PCDHA2: variants seen among roughly 807,000 people sequenced by gnomAD.
PCDHA2 encodes the protein protocadherin alpha-2.
PCDHA2 carries 58 observed loss-of-function variants against 66.0 expected under a neutral mutation model. The ratio of observed to expected loss-of-function variants is 0.88; its 90% confidence interval spans 0.71 to 1.09. PCDHA2 has a LOEUF of 1.09. PCDHA2 is among the 50% of genes least tolerant of loss of function. PCDHA2 has a pLI of 0.00. For missense variants in PCDHA2, 1,267 were observed against 1,242.3 expected (o/e 1.02, Z -0.30); for synonymous variants, 634 against 554.0 (o/e 1.14, Z -2.03).
chr5:140,887,004 C>T (rs1341039143), intron 1 of PCDHA2, among the ~76,000 whole-genome samples: 1 of 152,066 alleles, frequency 6.6e-6, no homozygotes, highest in African/African-American at 2.4e-5. Flanking sequence ...GTTGGTATCA[C>T]TTTCCTACTG....
chr5:140,821,522 C>A, intron 1 of PCDHA2: 3 of 409,570 alleles, frequency 7.3e-6, no homozygotes, highest in East Asian at 3.9e-5. Flanking sequence ...TAAAGCAAAA[C>A]AAAATAAAAC....
At chr5:140,849,842 C>A (rs2150452935) in intron 1 of PCDHA2, 1 of 1,598,534 alleles carries the variant, frequency 6.3e-7, no homozygotes, top group Non-Finnish European at 8.6e-7. Context: ...CCGACGTGAA[C>A]GACAACGCAC....
intron 1 of PCDHA2, chr5:140,875,971 CTT>C: frequency 6.2e-7 from 1 of 1,614,030 alleles, no homozygotes. Flanking sequence ...CGTAAACTCT[CTT>C]TTGACCTATG....
chr5:140,840,876 C>T (rs975693144), intron 1 of PCDHA2, among the ~76,000 whole-genome samples: 2 of 151,942 alleles, frequency 1.3e-5, no homozygotes, highest in Admixed American at 1.3e-4. Context: ...GGACAGTTTA[C>T]ATTTCTGATA....
chr5:140,914,302 A>G (rs1168032612), intron 1 of PCDHA2, among the ~76,000 whole-genome samples: 4 of 152,144 alleles, frequency 2.6e-5, no homozygotes, highest in African/African-American at 9.7e-5. Context: ...CTCTTGCTGA[A>G]TTGACCCCAT....
rs181817860 is a variant in PCDHA2 at position 140,866,905 on chromosome 5, C to T, written c.2388+69553C>T. The T allele has an allele frequency of 1.6e-4, 24 of 152,148 alleles. 1 individual carries two copies. The highest frequency in any genetic ancestry group is 1.4e-3 in the Admixed American group (22 of 15,284). 9.4% of individuals were successfully genotyped at this position (152,148 alleles called of 1,614,324 possible). ...CCTATACCCAGATATTAGGCTGATCCTCAAAGATGAGTTCAAAGGGCGCAT... is the reference window on the plus strand; with the variant it reads ...CCTATACCCAGATATTAGGCTGATCTTCAAAGATGAGTTCAAAGGGCGCAT... On this transcript the variant is annotated intron_variant, in intron 1 of 3. Transcript: ENST00000526136.
intron 1 of PCDHA2, chr5:140,828,727 G>A (rs1769906344): frequency 1.2e-6 from 2 of 1,614,210 alleles, no homozygotes; most frequent in African/African-American, 1.3e-5. Context: ...ACTTATTCCT[G>A]ACAGCCACAG....
intron 1 of PCDHA2, among the ~76,000 whole-genome samples, chr5:140,957,371 T>G (rs1465346844): frequency 3.3e-5 from 5 of 152,206 alleles, no homozygotes; most frequent in Non-Finnish European, 7.4e-5. Context: ...AAACTTTTAT[T>G]ATAGTGTATT....
intron 1 of PCDHA2, chr5:140,927,292 C>G (rs782109776): frequency 1.3e-5 from 21 of 1,614,162 alleles, no homozygotes; most frequent in Non-Finnish European, 1.7e-6. Context: ...GCTGCACATC[C>G]CCGAGTTCCT....
chr5:140,839,663 T>C (rs1477931034), intron 1 of PCDHA2, among the ~76,000 whole-genome samples: 1 of 152,084 alleles, frequency 6.6e-6, no homozygotes, highest in East Asian at 1.9e-4. Context: ...TTTGCTACTA[T>C]TTAGAGTCAA....
At chr5:140,875,859 C>G (rs1381473536) in intron 1 of PCDHA2, 1 of 1,614,038 alleles carries the variant, frequency 6.2e-7, no homozygotes, top group Non-Finnish European at 8.5e-7. Flanking sequence ...TTAACGACAA[C>G]CCGCCGGTGT....
At chr5:140,991,505 G>T (rs2097456335) in intron 3 of PCDHA2, among the ~76,000 whole-genome samples, 1 of 152,180 alleles carries the variant, frequency 6.6e-6, no homozygotes, top group Admixed American at 6.5e-5. Context: ...AGTTTCACTG[G>T]CTAAAATCAA....
intron 1 of PCDHA2, among the ~76,000 whole-genome samples, chr5:140,897,778 T>C (rs1402383058): frequency 2.0e-5 from 3 of 152,208 alleles, no homozygotes; most frequent in Non-Finnish European, 2.9e-5. Context: ...ACTTCCACAA[T>C]GGTTGAACTA....
chr5:140,807,523 G>T (rs1187036014), intron 1 of PCDHA2: 1 of 1,613,986 alleles, frequency 6.2e-7, no homozygotes, highest in Non-Finnish European at 8.5e-7. Flanking sequence ...TCGTAGACAG[G>T]CCGCTGCAGG....
rs782444703 is a variant in PCDHA2 at position 140,856,052 on chromosome 5, G to T, written c.2388+58700G>T. 12 of 1,585,178 alleles carry T rather than the reference G, an allele frequency of 7.6e-6. No individual in the cohort carries two copies. In the East Asian group the frequency reaches 2.5e-4, roughly 32 times the overall value. On this transcript the variant is annotated intron_variant, in intron 1 of 3. Transcript: ENST00000526136. The stretch of plus-strand genomic sequence containing the variant: ...TGTAAAACAAGAGAAGGATAAGATG[G>T]TTTCCAGATGTAGCTGCCTGGGGGT...
intron 1 of PCDHA2, among the ~76,000 whole-genome samples, chr5:140,912,045 C>T (rs1276989293): frequency 2.0e-5 from 3 of 152,196 alleles, no homozygotes; most frequent in African/African-American, 4.8e-5. Flanking sequence ...AGTCCCAAAG[C>T]TGAAGAACTT....
chr5:141,000,393 CTCTATATATATA>C (rs1208951211), intron 3 of PCDHA2, among the ~76,000 whole-genome samples: 9 of 52,848 alleles, frequency 1.7e-4, no homozygotes, highest in African/African-American at 6.4e-4. Context: ...CTCTCTCTCT[CTCTATATATATA>C]TATATATATA....
intron 1 of PCDHA2, chr5:140,865,989 T>A (rs955714257): frequency 1.3e-5 from 2 of 152,172 alleles, no homozygotes; most frequent in Non-Finnish European, 2.9e-5. Flanking sequence ...TGGCACTAAG[T>A]TTTTTTATGT....
intron 1 of PCDHA2, among the ~76,000 whole-genome samples, chr5:140,892,860 T>C (rs1554185404): frequency 6.6e-6 from 1 of 152,158 alleles, no homozygotes; most frequent in Non-Finnish European, 1.5e-5. Flanking sequence ...ATTCCTCCTG[T>C]GTAGCTATAA....
Sources: gnomAD v4.1 joint callset for allele counts (sites outside exome capture counted in the v4.1 genomes callset) on GRCh38, gnomAD v4.1.1 for gene constraint, MANE v1.5 for transcripts, NCBI Gene and HGNC (gene_info 2026-07-23, HGNC 2026-07-21) for gene names.